TMEM38B: variants seen among roughly 807,000 people sequenced by gnomAD.
TMEM38B encodes the protein transmembrane protein 38B, also known as trimeric intracellular cation channel type B.
A neutral mutation model predicts 28.7 loss-of-function variants in TMEM38B; 24 were observed. That is an observed-to-expected ratio of 0.84 (90% CI 0.61 to 1.18). The LOEUF is 1.18. Ranked by LOEUF, TMEM38B falls within the 50% of genes most tolerant of loss-of-function variation. The pLI, the probability that TMEM38B is intolerant of heterozygous loss-of-function variation, is 0.00. For missense variants in TMEM38B, 380 were observed against 350.9 expected (o/e 1.08, Z -0.66); for synonymous variants, 131 against 127.7 (o/e 1.03, Z -0.17).
At chr9:105,757,044 T>C (rs1344608096) in intron 5 of TMEM38B, among the ~76,000 whole-genome samples, 3 of 152,314 alleles carry the variant, frequency 2.0e-5, no homozygotes, top group South Asian at 2.1e-4. Context: ...TGTAGTCTTT[T>C]GTCCTTCATC....
intron 5 of TMEM38B, among the ~76,000 whole-genome samples, chr9:105,748,674 GTT>G (rs1434034445): frequency 2.0e-5 from 3 of 152,146 alleles, no homozygotes; most frequent in Admixed American, 6.5e-5. Context: ...TCAAATCCCA[GTT>G]TTGCTGCCTA....
chr9:105,726,623 T>G (rs1231836051), intron 4 of TMEM38B, among the ~76,000 whole-genome samples: 1 of 152,044 alleles, frequency 6.6e-6, no homozygotes, highest in Non-Finnish European at 1.5e-5. Context: ...TACAGTTCAC[T>G]TAAAAAATAA....
chr9:105,737,038 C>G (rs987303245), intron 4 of TMEM38B, among the ~76,000 whole-genome samples: 1 of 152,210 alleles, frequency 6.6e-6, no homozygotes, highest in Non-Finnish European at 1.5e-5. Flanking sequence ...TTCTTGGTGT[C>G]TGATCTGACA....
chr9:105,706,387 G>C (rs967809230), intron 2 of TMEM38B, among the ~76,000 whole-genome samples: 3 of 152,222 alleles, frequency 2.0e-5, no homozygotes, highest in African/African-American at 7.2e-5. Context: ...CAGAGGATTA[G>C]AGAGACCAGT....
At chr9:105,754,835 A>C (rs1379378651) in intron 5 of TMEM38B, among the ~76,000 whole-genome samples, 1 of 152,184 alleles carries the variant, frequency 6.6e-6, no homozygotes, top group East Asian at 1.9e-4. Context: ...CAAATCCATG[A>C]GCTGGTTTTT....
At chr9:105,729,489 T>C (rs556878689) in intron 4 of TMEM38B, among the ~76,000 whole-genome samples, 200 of 152,330 alleles carry the variant, frequency 1.3e-3, no homozygotes, top group African/African-American at 4.6e-3. Flanking sequence ...TGTAGCCTTG[T>C]AGTATAGTTT....
intron 5 of TMEM38B, chr9:105,759,843 G>T: frequency 1.3e-6 from 2 of 1,595,172 alleles, no homozygotes; most frequent in Non-Finnish European, 1.7e-6. Flanking sequence ...AGCTTTGTAG[G>T]TCTCAGAGTT....
At chr9:105,763,448 A>T (rs1478217199) in intron 5 of TMEM38B, among the ~76,000 whole-genome samples, 1 of 152,184 alleles carries the variant, frequency 6.6e-6, no homozygotes, top group Non-Finnish European at 1.5e-5. Context: ...AGAATACTAC[A>T]AACACCTCTA....
intron 4 of TMEM38B, among the ~76,000 whole-genome samples, chr9:105,739,503 T>G (rs189252542): frequency 3.6e-4 from 55 of 152,276 alleles, no homozygotes; most frequent in African/African-American, 1.3e-3. Context: ...TGGGAATTAT[T>G]GCTGTCTTAT....
chr9:105,754,063 C>T (rs1837748770), intron 5 of TMEM38B, among the ~76,000 whole-genome samples: 2 of 152,108 alleles, frequency 1.3e-5, no homozygotes, highest in African/African-American at 2.4e-5. Flanking sequence ...TAAAAAAAGA[C>T]AAAGAAGTGC....
chr9:105,717,081 T>C (rs1311195307), intron 2 of TMEM38B, among the ~76,000 whole-genome samples: 1 of 152,172 alleles, frequency 6.6e-6, no homozygotes, highest in Non-Finnish European at 1.5e-5. Flanking sequence ...TCCTGTCTTG[T>C]TTCTCTGTAT....
chr9:105,739,616 C>T (rs1837118884), intron 4 of TMEM38B, among the ~76,000 whole-genome samples: 1 of 152,080 alleles, frequency 6.6e-6, no homozygotes, highest in South Asian at 2.1e-4. Flanking sequence ...CCTCTGCCTC[C>T]TGGGTTCAAG....
chr9:105,718,044 C>T (rs1836173855), intron 2 of TMEM38B, among the ~76,000 whole-genome samples: 1 of 152,112 alleles, frequency 6.6e-6, no homozygotes, highest in Non-Finnish European at 1.5e-5. Context: ...GCTGGGATTC[C>T]AACCTGGCGC....
chr9:105,762,132 T>G (rs1838076283), intron 5 of TMEM38B, among the ~76,000 whole-genome samples: 1 of 152,128 alleles, frequency 6.6e-6, no homozygotes, highest in Non-Finnish European at 1.5e-5. Context: ...TTTCTCAATA[T>G]AATTTCATAA....
intron 4 of TMEM38B, among the ~76,000 whole-genome samples, chr9:105,731,688 T>G (rs920385444): frequency 1.3e-5 from 2 of 152,230 alleles, no homozygotes; most frequent in Non-Finnish European, 2.9e-5. Context: ...TGCCACATTT[T>G]CTTAATCCAG....
intron 4 of TMEM38B, among the ~76,000 whole-genome samples, chr9:105,737,683 C>T (rs940637557): frequency 3.3e-5 from 5 of 152,132 alleles, no homozygotes; most frequent in African/African-American, 1.2e-4. Flanking sequence ...CTCTATTTCC[C>T]TGGGATGCGG....
At chr9:105,729,362 C>G (rs1030647113) in intron 4 of TMEM38B, among the ~76,000 whole-genome samples, 5 of 152,022 alleles carry the variant, frequency 3.3e-5, no homozygotes, top group Non-Finnish European at 5.9e-5. Flanking sequence ...GCTTGTTTTT[C>G]TCAGGTTTGT....
intron 4 of TMEM38B, among the ~76,000 whole-genome samples, chr9:105,723,378 C>T (rs1462027118): frequency 6.6e-6 from 1 of 151,518 alleles, no homozygotes; most frequent in Non-Finnish European, 1.5e-5. Context: ...CAGGTGTGTG[C>T]TATCATGCCT....
intron 2 of TMEM38B, among the ~76,000 whole-genome samples, chr9:105,709,902 G>A (rs914793711): frequency 2.0e-5 from 3 of 152,126 alleles, no homozygotes; most frequent in Non-Finnish European, 4.4e-5. Flanking sequence ...ACCAACAGAG[G>A]CACTGTAAGA....
Sources: allele counts gnomAD v4.1 joint callset (sites outside exome capture counted in the v4.1 genomes callset), GRCh38; gene constraint gnomAD v4.1.1; transcripts MANE v1.5; gene names NCBI Gene and HGNC (gene_info 2026-07-23, HGNC 2026-07-21).